SLC44A5: variants seen among roughly 807,000 people sequenced by gnomAD.
SLC44A5 encodes the protein solute carrier family 44 member 5, also known as choline transporter-like protein 5.
A neutral mutation model predicts 101.8 loss-of-function variants in SLC44A5; 57 were observed. The ratio of observed to expected loss-of-function variants is 0.56; its 90% CI spans 0.45 to 0.70. SLC44A5 has a LOEUF of 0.70. SLC44A5 is among the 30% of genes least tolerant of loss of function. The pLI is 0.00. For missense variants in SLC44A5, 737 were observed against 853.1 expected (o/e 0.86, Z 1.70); for synonymous variants, 281 against 290.9 (o/e 0.97, Z 0.35).
intron 2 of SLC44A5, among the ~76,000 whole-genome samples, chr1:75,411,898 T>C (rs925052415): frequency 6.6e-6 from 1 of 152,170 alleles, no homozygotes; most frequent in Non-Finnish European, 1.5e-5. Flanking sequence ...ATACCACTGT[T>C]AGTTCAGTGT....
the SLC44A5 span, among the ~76,000 whole-genome samples, chr1:75,685,225 T>G: frequency 6.6e-6 from 1 of 152,204 alleles, no homozygotes; most frequent in Non-Finnish European, 1.5e-5. Flanking sequence ...CCATTTTTTT[T>G]TCCTGGGCCT....
the SLC44A5 span, among the ~76,000 whole-genome samples, chr1:75,633,300 TTACCTTGGGCAGTATGGCCA>T: frequency 6.6e-6 from 1 of 152,162 alleles, no homozygotes; most frequent in Admixed American, 6.6e-5. Flanking sequence ...CATCTATAAA[TTACCTTGGGCAGTATGGCCA>T]TTTTCACGAC....
chr1:75,335,808 G>A (rs1270183253), intron 4 of SLC44A5, among the ~76,000 whole-genome samples: 2 of 152,162 alleles, frequency 1.3e-5, no homozygotes, highest in Non-Finnish European at 2.9e-5. Flanking sequence ...TTGGAAAAGT[G>A]CCTCCCATAA....
At chr1:75,231,246 T>G (rs1647539376) in intron 12 of SLC44A5, among the ~76,000 whole-genome samples, 1 of 152,192 alleles carries the variant, frequency 6.6e-6, no homozygotes, top group East Asian at 1.9e-4. Context: ...ATCCCAGCAC[T>G]GCTATGGGTT....
At chr1:75,261,826 T>A (rs1473005190) in intron 6 of SLC44A5, among the ~76,000 whole-genome samples, 1 of 151,954 alleles carries the variant, frequency 6.6e-6, no homozygotes, top group Non-Finnish European at 1.5e-5. Flanking sequence ...CACGAGCAAG[T>A]CAGCTTCATC....
chr1:75,547,042 T>G (rs1464558727), intron 1 of SLC44A5, among the ~76,000 whole-genome samples: 1 of 150,144 alleles, frequency 6.7e-6, no homozygotes, highest in African/African-American at 2.5e-5. Context: ...AAATCATTCA[T>G]GTTTTATGAA....
chr1:75,476,268 C>A (rs919566350), intron 2 of SLC44A5, among the ~76,000 whole-genome samples: 4 of 152,214 alleles, frequency 2.6e-5, no homozygotes, highest in Admixed American at 1.3e-4. Flanking sequence ...AACTGGGGAG[C>A]AGCCAAGATG....
At chr1:75,372,708 G>T (rs1232383413) in intron 3 of SLC44A5, among the ~76,000 whole-genome samples, 2 of 152,130 alleles carry the variant, frequency 1.3e-5, no homozygotes, top group African/African-American at 4.8e-5. Flanking sequence ...ACTTTTCATG[G>T]TAATGTTTAC....
At chr1:75,292,418 G>A (rs1183074658) in intron 5 of SLC44A5, among the ~76,000 whole-genome samples, 1 of 152,062 alleles carries the variant, frequency 6.6e-6, no homozygotes, top group Non-Finnish European at 1.5e-5. Context: ...GAAATCCTTT[G>A]AGGTTTTTCT....
chr1:75,456,086 C>A (rs1464700059), intron 2 of SLC44A5, among the ~76,000 whole-genome samples: 1 of 152,054 alleles, frequency 6.6e-6, no homozygotes, highest in African/African-American at 2.4e-5. Flanking sequence ...ATATTAATAA[C>A]AACAAAGACA....
At chr1:75,244,070 G>A (rs565344849) in intron 7 of SLC44A5, among the ~76,000 whole-genome samples, 2 of 152,166 alleles carry the variant, frequency 1.3e-5, no homozygotes, top group African/African-American at 4.8e-5. Context: ...CTCAACAGAA[G>A]CAATGCTGGC....
chr1:75,474,976 T>A (rs575810553), intron 2 of SLC44A5, among the ~76,000 whole-genome samples: 1 of 152,366 alleles, frequency 6.6e-6, no homozygotes. Context: ...ACAATTCAAC[T>A]GCCTGAATGA....
chr1:75,664,929 G>GAAAAAAAAAA, the SLC44A5 span, among the ~76,000 whole-genome samples: 3 of 130,190 alleles, frequency 2.3e-5, no homozygotes, highest in Non-Finnish European at 1.6e-5. Context: ...TCAAAAAAAA[G>GAAAAAAAAAA]AAAAAAAAAA....
intron 3 of SLC44A5, among the ~76,000 whole-genome samples, chr1:75,356,728 T>C (rs796935502): frequency 5.3e-5 from 8 of 152,320 alleles, no homozygotes; most frequent in African/African-American, 1.9e-4. Flanking sequence ...CCAGGAAGTC[T>C]TGAAAATTAA....
chr1:75,293,455 T>C (rs1343126150), intron 5 of SLC44A5, among the ~76,000 whole-genome samples: 2 of 152,182 alleles, frequency 1.3e-5, no homozygotes, highest in African/African-American at 2.4e-5. Flanking sequence ...GTTGGGAATG[T>C]TGGCTTTCGA....
At chr1:75,523,565 A>C (rs914590396) in intron 2 of SLC44A5, among the ~76,000 whole-genome samples, 35 of 150,996 alleles carry the variant, frequency 2.3e-4, no homozygotes, top group Admixed American at 4.6e-4. Flanking sequence ...CAGTTGATCC[A>C]CCCGCCTCGG....
At chr1:75,409,825 T>C (rs562115995) in intron 2 of SLC44A5, among the ~76,000 whole-genome samples, 7 of 152,286 alleles carry the variant, frequency 4.6e-5, no homozygotes, top group African/African-American at 1.2e-4. Context: ...TCTTTAAGAA[T>C]CATGCCCAAG....
intron 2 of SLC44A5, among the ~76,000 whole-genome samples, chr1:75,497,405 A>G (rs1361257823): frequency 6.6e-6 from 1 of 152,162 alleles, no homozygotes; most frequent in African/African-American, 2.4e-5. Flanking sequence ...TTACTGCATA[A>G]TCTCACTTAT....
chr1:75,359,949 G>A (rs1659367264), intron 3 of SLC44A5, among the ~76,000 whole-genome samples: 1 of 152,112 alleles, frequency 6.6e-6, no homozygotes, highest in Non-Finnish European at 1.5e-5. Flanking sequence ...CATCCTGTCA[G>A]TCATTTATAT....
Sources: allele counts gnomAD v4.1 joint callset (sites outside exome capture counted in the v4.1 genomes callset), GRCh38; gene constraint gnomAD v4.1.1; transcripts MANE v1.5; gene names NCBI Gene and HGNC (gene_info 2026-07-23, HGNC 2026-07-21).